The following SIPA1L3 variants were observed in gnomAD, a reference collection of about 807,000 sequenced individuals.
SIPA1L3 encodes the protein signal-induced proliferation-associated 1-like protein 3.
A neutral mutation model predicts 150.1 loss-of-function variants in SIPA1L3; 59 were observed. The ratio of observed to expected loss-of-function variants is 0.39; its 90% CI spans 0.32 to 0.49. The LOEUF is 0.49. SIPA1L3 is among the 20% of genes least tolerant of loss of function. The probability of loss-of-function intolerance (pLI) is 0.86; values close to 1 mark genes in which losing one functional copy is unlikely to be tolerated. For synonymous variants in SIPA1L3, 1,070 were observed against 1,077.6 expected (o/e 0.99, Z 0.14); for missense variants, 2,211 against 2,489.5 (o/e 0.89, Z 2.38).
chr19:38,200,072 A>T (rs933918392), intron 19 of SIPA1L3: 6 of 151,996 alleles, frequency 3.9e-5, no homozygotes, highest in Non-Finnish European at 5.9e-5. Flanking sequence ...CTACAAAAAA[A>T]TTTATTTTAC....
chr19:38,182,119 T>G (rs1600180630), intron 15 of SIPA1L3, among the ~76,000 whole-genome samples: 2 of 128,002 alleles, frequency 1.6e-5, no homozygotes, highest in South Asian at 2.4e-4. Context: ...CCAGCCTGGG[T>G]GACTGAGACC....
intron 1 of SIPA1L3, among the ~76,000 whole-genome samples, chr19:38,010,349 A>G (rs990334699): frequency 1.3e-5 from 2 of 151,612 alleles, no homozygotes; most frequent in African/African-American, 4.9e-5. Flanking sequence ...TTGAGGCTAT[A>G]GTAAGCTAAA....
intron 14 of SIPA1L3, 60 bp downstream of exon 14, chr19:38,162,431 T>A: frequency 1.6e-6 from 2 of 1,240,466 alleles, no homozygotes; most frequent in Non-Finnish European, 2.4e-6. Context: ...GTGTGGCCTC[T>A]GAGCTTCACA....
chr19:38,047,255 C>T lies in SIPA1L3; in HGVS notation c.-311+18099C>T, dbSNP rs1599950913. On this transcript the variant is annotated intron_variant, in intron 2 of 21. Transcript: ENST00000222345. The surrounding 1 kb of genome is among the most constrained non-coding windows in gnomAD (Gnocchi z 4.7). ...ACACGCACGCACACACGCACGCACT[C>T]ACACACACTCCTACACATTCCTCTC... Among the ~76,000 whole-genome samples the T allele has an allele frequency of 6.6e-6, 1 of 152,124 alleles. No homozygotes were observed. Among genetic ancestry groups the T allele is most frequent in the South Asian group, 2.1e-4 (1 of 4,830 alleles).
chr19:37,999,054 G>A (rs925126607), intron 1 of SIPA1L3, among the ~76,000 whole-genome samples: 1 of 151,336 alleles, frequency 6.6e-6, no homozygotes, highest in Non-Finnish European at 1.5e-5. Context: ...ACCATGAAAA[G>A]CACTGCGATC....
Position 38,179,530 on chromosome 19 carries a change from G to A in SIPA1L3, c.4209-2989G>A, listed in dbSNP as rs76570425. On this transcript the variant is annotated intron_variant, in intron 15 of 21. Coordinates refer to ENST00000222345, the MANE Select transcript of SIPA1L3 (RefSeq NM_015073.3). ...TATCTTTTTAGTTATTATAATGTGC[G>A]TCTATCACTGCAATTCAGGTTAATA... is the stretch of plus-strand genomic sequence containing the variant. Among the ~76,000 whole-genome samples, 1,475 of 152,120 alleles carry A rather than the reference G, an allele frequency of 9.7e-3. 21 individuals carry two copies. The highest frequency in any genetic ancestry group is 0.08 in the East Asian group (413 of 5,176).
chr19:38,198,277 G>T, intron 18 of SIPA1L3, 112 bp from the exon 19 acceptor site: 1 of 1,255,776 alleles, frequency 8.0e-7, no homozygotes. Flanking sequence ...TACCCTGCTG[G>T]AGGTTTTCCT....
rs1391530983 is a variant in SIPA1L3 at position 38,081,721 on chromosome 19, G to C, written c.156G>C (p.Glu52Asp). The C allele has an allele frequency of 1.2e-6, 2 of 1,605,982 alleles. No individual in the cohort carries two copies. The highest frequency in any genetic ancestry group is 8.5e-7 in the Non-Finnish European group (1 of 1,177,598). Reference protein sequence around the residue: ...QNGSMSQPLGESPATATATAT... With the variant: ...QNGSMSQPLGDSPATATATAT... ...GCAGCATGTCCCAGCCTCTTGGCGA[G>C]AGCCCGGCCACCGCCACCGCCACCG... The change falls in exon 3 of 22, where the codon GAG becomes GAC. Residue 52 changes from glutamate to aspartate, a missense_variant. Glu to Asp is a conservative substitution (Grantham distance 45). Coordinates refer to ENST00000222345, the MANE Select transcript of SIPA1L3 (RefSeq NM_015073.3).
chr19:38,009,127 C>T (rs976150718), intron 1 of SIPA1L3, among the ~76,000 whole-genome samples: 1 of 151,782 alleles, frequency 6.6e-6, no homozygotes, highest in South Asian at 2.1e-4. Flanking sequence ...CTCCGCCTCC[C>T]GGGTTCAAGT....
At chr19:37,972,676 C>A (rs1251115614) in intron 1 of SIPA1L3, among the ~76,000 whole-genome samples, 1 of 152,144 alleles carries the variant, frequency 6.6e-6, no homozygotes, top group Non-Finnish European at 1.5e-5. Flanking sequence ...TGCATTCCAG[C>A]CTGAGCAACA....
Position 38,208,180 on chromosome 19 carries a change from A to T in SIPA1L3, c.*1940A>T, listed in dbSNP as rs1014779330. On this transcript the variant is annotated 3_prime_UTR_variant, in exon 22 of 22. Coordinates refer to ENST00000222345, the MANE Select transcript of SIPA1L3 (RefSeq NM_015073.3). Reference sequence around the variant, plus strand: ...TAAGGATTTCTGCAAAAACAGATCTATTTAATTTGAGGTTGATGTTCTATC... The same window carrying T: ...TAAGGATTTCTGCAAAAACAGATCTTTTTAATTTGAGGTTGATGTTCTATC... The T allele has an allele frequency of 6.6e-6, 1 of 151,538 alleles. No homozygotes were observed. The highest frequency in any genetic ancestry group is 1.9e-4 in the East Asian group (1 of 5,168). The allele number at this position is 151,538 out of a possible 1,614,324, so 9.4% of individuals were successfully genotyped here.
intron 19 of SIPA1L3, among the ~76,000 whole-genome samples, chr19:38,201,311 G>A (rs552225941): frequency 8.5e-5 from 13 of 152,340 alleles, no homozygotes; most frequent in African/African-American, 2.2e-4. Context: ...TGTCCAAGGC[G>A]GGACCCAGGA....
In SIPA1L3 at chr19:38,162,255, C is replaced by G. The variant is rs1316559551; in HGVS notation, c.3664C>G (p.Pro1222Ala). Residue 1222 changes from proline (P) to alanine (A), a missense_variant and splice_region_variant, in exon 14 of 22, where the codon CCT (proline) becomes GCT (alanine). Pro to Ala is a conservative substitution (Grantham distance 27). Around this residue, in one of 5 missense-constraint regions of SIPA1L3, gnomAD observed 806 missense variants for 870.1 expected, o/e 0.93. Coordinates refer to ENST00000222345, the MANE Select transcript of SIPA1L3 (RefSeq NM_015073.3). Reference protein sequence around the residue: ...ESTMERQKPEPLWHVPAQARL... With the variant: ...ESTMERQKPEALWHVPAQARL... ...GTGTGTCTCCTGTTTTCCTACAGAG[C>G]CTTTGTGGCATGTGCCTGCCCAGGC... The G allele has an allele frequency of 1.2e-6, 2 of 1,613,540 alleles. No individual in the cohort carries two copies. The highest frequency in any genetic ancestry group is 8.5e-7 in the Non-Finnish European group (1 of 1,179,514).
intron 9 of SIPA1L3, among the ~76,000 whole-genome samples, chr19:38,129,981 C>T (rs569638173): frequency 2.0e-5 from 3 of 151,642 alleles, no homozygotes; most frequent in African/African-American, 4.8e-5. Flanking sequence ...GCAGGAGAAT[C>T]GCTTGAACCC....
chr19:38,012,541 A>C (rs1968129932), intron 1 of SIPA1L3, among the ~76,000 whole-genome samples: 2 of 152,158 alleles, frequency 1.3e-5, no homozygotes, highest in African/African-American at 4.8e-5. Flanking sequence ...GCTGTGGAAC[A>C]GCAGCATCCA....
At chr19:37,929,238 G>A (rs1405368891) in intron 1 of SIPA1L3, among the ~76,000 whole-genome samples, 1 of 152,182 alleles carries the variant, frequency 6.6e-6, no homozygotes, top group East Asian at 1.9e-4. Flanking sequence ...GAAGTAGGTA[G>A]CACAGGGAGG....
chr19:38,043,681 T>C (rs1968980291), intron 2 of SIPA1L3, among the ~76,000 whole-genome samples: 1 of 152,200 alleles, frequency 6.6e-6, no homozygotes, highest in Non-Finnish European at 1.5e-5. Context: ...GTTGCTACTA[T>C]TACTAGTTAA....
intron 1 of SIPA1L3, among the ~76,000 whole-genome samples, chr19:38,002,590 G>A (rs1967831899): frequency 6.6e-6 from 1 of 151,438 alleles, no homozygotes; most frequent in Non-Finnish European, 1.5e-5. Flanking sequence ...AAAATTAGCT[G>A]GGAGTGGTGG....
intron 1 of SIPA1L3, among the ~76,000 whole-genome samples, chr19:38,007,204 G>C (rs534862400): frequency 6.6e-6 from 1 of 152,206 alleles, no homozygotes; most frequent in Admixed American, 6.5e-5. Flanking sequence ...TGTAATCTCA[G>C]CACTTTGGGA....
Sources: gnomAD v4.1 joint callset for allele counts (sites outside exome capture counted in the v4.1 genomes callset) on GRCh38, gnomAD v4.1.1 for gene constraint, gnomAD v4.1.1 regional missense constraint, Gnocchi (gnomAD v3.1) non-coding constraint, MANE v1.5 for transcripts, NCBI Gene and HGNC (gene_info 2026-07-23, HGNC 2026-07-21) for gene names.